The following ATF6 variants were observed in gnomAD, a reference collection of about 807,000 sequenced individuals.
ATF6 encodes the protein activating transcription factor 6.
In ATF6, 53 loss-of-function variants were observed where a neutral mutation model predicts 83.6. The ratio of observed to expected loss-of-function variants is 0.63; its 90% CI spans 0.51 to 0.80. ATF6 has a LOEUF of 0.80. Among genes scored for constraint, ATF6 ranks in the 30% least tolerant of loss-of-function variants. ATF6 has a pLI of 0.00. For synonymous variants in ATF6, 288 were observed against 285.8 expected, an observed-to-expected ratio of 1.01 and a Z score of -0.08; for missense variants, 744 against 797.9, an observed-to-expected ratio of 0.93 and a Z score of 0.81.
chr1:161,778,421 A>T, intron 2 of ATF6, 101 bp downstream of exon 2: 1 of 844,714 alleles, frequency 1.2e-6, no homozygotes, highest in Non-Finnish European at 1.9e-6. Flanking sequence ...AATTTAAGTT[A>T]CATACTTAAT....
chr1:161,851,065 C>T (rs549816154), intron 10 of ATF6, among the ~76,000 whole-genome samples: 1 of 152,030 alleles, frequency 6.6e-6, no homozygotes, highest in Non-Finnish European at 1.5e-5. Flanking sequence ...TCCATGATCC[C>T]ATAGTTTATA....
chr1:161,875,156 A>C (rs1043977962), intron 14 of ATF6, among the ~76,000 whole-genome samples: 8 of 151,816 alleles, frequency 5.3e-5, no homozygotes, highest in Non-Finnish European at 8.9e-5. Flanking sequence ...AAAATATATG[A>C]AGAAAATCCA....
chr1:161,832,436 A>G (rs932702887), intron 9 of ATF6, among the ~76,000 whole-genome samples: 1 of 152,180 alleles, frequency 6.6e-6, no homozygotes, highest in Non-Finnish European at 1.5e-5. Context: ...CGCACCGTGC[A>G]TGAGCTGAAG....
At chr1:161,953,985 G>A (rs1688920542) in intron 15 of ATF6, among the ~76,000 whole-genome samples, 1 of 152,130 alleles carries the variant, frequency 6.6e-6, no homozygotes, top group African/African-American at 2.4e-5. Flanking sequence ...AAGAAGAAGT[G>A]GGCCTCAAAG....
At chr1:161,906,646 T>G (rs1558019610) in intron 14 of ATF6, among the ~76,000 whole-genome samples, 1 of 152,184 alleles carries the variant, frequency 6.6e-6, no homozygotes, top group Non-Finnish European at 1.5e-5. Context: ...ATTATCAGAT[T>G]TGTATTAAGT....
intron 9 of ATF6, among the ~76,000 whole-genome samples, chr1:161,826,138 T>A (rs1685891215): frequency 6.6e-6 from 1 of 152,154 alleles, no homozygotes; most frequent in African/African-American, 2.4e-5. Context: ...GTGGCAATCA[T>A]GGGAGGCTTT....
chr1:161,891,005 C>G (rs1168041318), intron 14 of ATF6: 1 of 152,226 alleles, frequency 6.6e-6, no homozygotes, highest in Non-Finnish European at 1.5e-5. Context: ...GAGCCCGTAT[C>G]GCCCAGGAGG....
chr1:161,794,014 C>G (rs1160532364), intron 6 of ATF6, among the ~76,000 whole-genome samples: 1 of 152,044 alleles, frequency 6.6e-6, no homozygotes, highest in African/African-American at 2.4e-5. Flanking sequence ...TCAAGTGATT[C>G]TCCTGCTTCA....
intron 14 of ATF6, among the ~76,000 whole-genome samples, chr1:161,889,576 C>T (rs561978531): frequency 3.9e-5 from 6 of 152,296 alleles, no homozygotes; most frequent in South Asian, 2.1e-4. Context: ...TTTCATCAGA[C>T]GTGTATTGAG....
intron 14 of ATF6, among the ~76,000 whole-genome samples, chr1:161,876,555 T>G (rs983741463): frequency 2.2e-4 from 33 of 152,160 alleles, no homozygotes; most frequent in South Asian, 4.1e-4. Flanking sequence ...GTTTAAAATA[T>G]CCAGTTCCAT....
chr1:161,954,249 C>T (rs764190275), intron 15 of ATF6, among the ~76,000 whole-genome samples: 4 of 152,100 alleles, frequency 2.6e-5, no homozygotes, highest in Non-Finnish European at 4.4e-5. Context: ...ATTGTGTTCC[C>T]GCCTCCCTTG....
intron 2 of ATF6, among the ~76,000 whole-genome samples, chr1:161,779,115 T>C (rs1157538500): frequency 6.6e-6 from 1 of 152,214 alleles, no homozygotes; most frequent in Non-Finnish European, 1.5e-5. Context: ...AAGGACATGA[T>C]ATATTTTAAA....
At chr1:161,901,430 G>GA (rs140542554) in intron 14 of ATF6, among the ~76,000 whole-genome samples, 86 of 106,848 alleles carry the variant, frequency 8.0e-4, no homozygotes, top group Admixed American at 1.1e-3. Context: ...TGTTTTATTT[G>GA]AAAAAAAAAA....
chr1:161,819,216 G>T (rs1259442911), intron 7 of ATF6, among the ~76,000 whole-genome samples: 1 of 152,126 alleles, frequency 6.6e-6, no homozygotes, highest in Non-Finnish European at 1.5e-5. Context: ...TGCACATAAT[G>T]AATTTGAAGT....
At chr1:161,769,212 C>A (rs1402715018) in intron 1 of ATF6, among the ~76,000 whole-genome samples, 3 of 152,160 alleles carry the variant, frequency 2.0e-5, no homozygotes, top group Non-Finnish European at 4.4e-5. Context: ...TTTATAGACA[C>A]TGAAATTTGA....
intron 15 of ATF6, among the ~76,000 whole-genome samples, chr1:161,926,684 A>T (rs1326820736): frequency 6.6e-6 from 1 of 152,134 alleles, no homozygotes; most frequent in Non-Finnish European, 1.5e-5. Context: ...AATACCAGAA[A>T]GTGGGGATCA....
At chr1:161,848,187 A>T (rs1686527840) in intron 10 of ATF6, among the ~76,000 whole-genome samples, 1 of 151,930 alleles carries the variant, frequency 6.6e-6, no homozygotes, top group Non-Finnish European at 1.5e-5. Flanking sequence ...AATATTTTTC[A>T]GCAACTTGAG....
At position 161,802,115 on chromosome 1, in the gene ATF6, C is replaced by G; in HGVS notation, c.752C>G (p.Ser251Cys). 1 of 1,614,140 alleles carries G rather than the reference C, an allele frequency of 6.2e-7. No homozygotes were observed. Among genetic ancestry groups the G allele is most frequent in the Non-Finnish European group, 8.5e-7 (1 of 1,180,004 alleles). ...CTTCAAGCACCTGGAGTTCTGCCCT[C>G]TGCTCAGCCAGTCCTTGCTGTTGCT... Reference protein sequence around the residue: ...VQLQAPGVLPSAQPVLAVAGG... With the variant: ...VQLQAPGVLPCAQPVLAVAGG... Residue 251 changes from serine (S) to cysteine (C), a missense_variant, in exon 7 of 16, where the codon TCT becomes TGT. By Grantham distance (112) the Ser-to-Cys change is moderately radical. Coordinates refer to ENST00000367942, the MANE Select transcript of ATF6 (RefSeq NM_007348.4).
Position 161,940,957 on chromosome 1 carries a change from A to G in ATF6, c.1805-17489A>G, listed in dbSNP as rs17417198. On this transcript the variant is annotated intron_variant, in intron 15 of 15. Coordinates refer to ENST00000367942, the MANE Select transcript of ATF6 (RefSeq NM_007348.4). Reference sequence around the variant, plus strand: ...CCATATGCATACCCGTATCACACCTATCCTGGATGATACCAGTTTACATAG... The same window carrying G: ...CCATATGCATACCCGTATCACACCTGTCCTGGATGATACCAGTTTACATAG... Among the ~76,000 whole-genome samples, 1,517 of 152,252 alleles carry G rather than the reference A, an allele frequency of 1.0e-2. 8 individuals carry two copies. Among genetic ancestry groups the G allele is most frequent in the South Asian group, 0.017 (83 of 4,820 alleles).
Sources: allele counts gnomAD v4.1 joint callset (sites outside exome capture counted in the v4.1 genomes callset), GRCh38; gene constraint gnomAD v4.1.1; transcripts MANE v1.5; gene names NCBI Gene and HGNC (gene_info 2026-07-23, HGNC 2026-07-21).